COX7B2: variants seen among roughly 807,000 people sequenced by gnomAD.
COX7B2 encodes cytochrome c oxidase subunit 7B2, mitochondrial.
For synonymous variants in COX7B2, 37 were observed against 32.1 expected, an observed-to-expected ratio of 1.15 and a Z score of -0.51; for missense variants, 109 against 95.9, an observed-to-expected ratio of 1.14 and a Z score of -0.57.
chr4:46,835,374 T>A (rs1715442145), intron 2 of COX7B2, among the ~76,000 whole-genome samples: 1 of 152,000 alleles, frequency 6.6e-6, no homozygotes, highest in African/African-American at 2.4e-5. Flanking sequence ...TGAAAATGCG[T>A]TGCTTTTAAA....
intron 2 of COX7B2, among the ~76,000 whole-genome samples, chr4:46,766,900 C>T (rs544858146): frequency 1.1e-4 from 16 of 151,800 alleles, no homozygotes; most frequent in Non-Finnish European, 2.1e-4. Context: ...CCTACTACCA[C>T]GAAAAAATTA....
intron 1 of COX7B2, among the ~76,000 whole-genome samples, chr4:46,859,504 C>G (rs560005493): frequency 6.6e-6 from 1 of 152,134 alleles, no homozygotes; most frequent in Non-Finnish European, 1.5e-5. Flanking sequence ...AACTGAAGGA[C>G]TTTTAATTAT....
chr4:46,838,167 G>A (rs1715663074), intron 2 of COX7B2, among the ~76,000 whole-genome samples: 1 of 151,864 alleles, frequency 6.6e-6, no homozygotes, highest in Non-Finnish European at 1.5e-5. Flanking sequence ...AAAGTTAAAA[G>A]GTATATAGGT....
chr4:46,833,514 A>G (rs569812115), intron 2 of COX7B2, among the ~76,000 whole-genome samples: 2 of 152,342 alleles, frequency 1.3e-5, no homozygotes, highest in East Asian at 3.9e-4. Flanking sequence ...ACTAGCATTC[A>G]TATACTTTTT....
At chr4:46,777,181 A>G (rs1021590376) in intron 2 of COX7B2, among the ~76,000 whole-genome samples, 2 of 152,148 alleles carry the variant, frequency 1.3e-5, no homozygotes, top group African/African-American at 4.8e-5. Context: ...CTAATACTGA[A>G]AACAGAATCT....
intron 2 of COX7B2, among the ~76,000 whole-genome samples, chr4:46,836,859 A>G (rs1184726677): frequency 1.3e-5 from 2 of 152,106 alleles, no homozygotes; most frequent in Non-Finnish European, 2.9e-5. Context: ...TCACTAGGCA[A>G]TAGGTATTTT....
chr4:46,832,998 C>T (rs1160059867), intron 2 of COX7B2, among the ~76,000 whole-genome samples: 4 of 152,108 alleles, frequency 2.6e-5, no homozygotes, highest in Admixed American at 1.3e-4. Flanking sequence ...CTCCGCCTCC[C>T]GGGTTCAAGT....
At chr4:46,804,055 T>A (rs939719941) in intron 2 of COX7B2, among the ~76,000 whole-genome samples, 1 of 152,116 alleles carries the variant, frequency 6.6e-6, no homozygotes, top group African/African-American at 2.4e-5. Context: ...GTTTCTTTTT[T>A]CTGGTGGGTT....
intron 1 of COX7B2, among the ~76,000 whole-genome samples, chr4:46,867,031 C>T (rs556550577): frequency 2.0e-5 from 3 of 152,168 alleles, no homozygotes; most frequent in Non-Finnish European, 4.4e-5. Context: ...CTTGTTACTA[C>T]TAATTTTTGG....
At chr4:46,830,324 C>CAAA (rs201868075) in intron 2 of COX7B2, among the ~76,000 whole-genome samples, 3 of 82,120 alleles carry the variant, frequency 3.7e-5, no homozygotes, top group Non-Finnish European at 7.4e-5. Context: ...ACTCTGTCTC[C>CAAA]AAAAAAAAAA....
At chr4:46,774,461 TG>T (rs1717047288) in intron 2 of COX7B2, among the ~76,000 whole-genome samples, 1 of 152,106 alleles carries the variant, frequency 6.6e-6, no homozygotes, top group African/African-American at 2.4e-5. Context: ...AAATATTTTG[TG>T]GATAGTCCTA....
chr4:46,808,767 G>A (rs1184377862), intron 2 of COX7B2, among the ~76,000 whole-genome samples: 1 of 151,794 alleles, frequency 6.6e-6, no homozygotes, highest in Non-Finnish European at 1.5e-5. Flanking sequence ...GTACACCAGT[G>A]CTTTTTCTGC....
rs1460042203 is a variant in COX7B2, at chr4:46,863,737, A to T, written c.-104-18723T>A. ...TTTTCTCCTCTGGTTTTAACTCTTC[A>T]TATTGACTGATGCTGAAATATTTTA... is the stretch of plus-strand genomic sequence containing the variant. On this transcript the variant is annotated intron_variant, in intron 1 of 2. Coordinates refer to ENST00000355591, the MANE Select transcript of COX7B2 (RefSeq NM_130902.3). 3.9e-5 allele frequency among the ~76,000 whole-genome samples: 6 copies of T among 152,248 alleles called. No individual in the cohort carries two copies. In the South Asian group the frequency reaches 1.0e-3, roughly 26 times the overall value.
chr4:46,807,195 T>TA (rs1719046108), intron 2 of COX7B2, among the ~76,000 whole-genome samples: 1 of 151,972 alleles, frequency 6.6e-6, no homozygotes, highest in Non-Finnish European at 1.5e-5. Flanking sequence ...TTGTTTTTTT[T>TA]ATAATAGCCA....
intron 1 of COX7B2, among the ~76,000 whole-genome samples, chr4:46,866,034 G>A (rs749675360): frequency 8.1e-4 from 123 of 152,268 alleles, no homozygotes; most frequent in Middle Eastern, 3.4e-3. Context: ...ATCCATTGCT[G>A]TGTTAATGAC....
chr4:46,814,583 T>G (rs2109672431), intron 2 of COX7B2, among the ~76,000 whole-genome samples: 1 of 152,346 alleles, frequency 6.6e-6, no homozygotes, highest in South Asian at 2.1e-4. Context: ...TTAGAAAAGT[T>G]TCCTTTAAAA....
chr4:46,790,684 T>C (rs1170582662), intron 2 of COX7B2, among the ~76,000 whole-genome samples: 1 of 152,176 alleles, frequency 6.6e-6, no homozygotes, highest in Non-Finnish European at 1.5e-5. Flanking sequence ...TGGACTTTAG[T>C]ATTCCTGCGG....
intron 2 of COX7B2, among the ~76,000 whole-genome samples, chr4:46,819,539 TAAAAAA>T (rs397959996): frequency 8.9e-6 from 1 of 112,268 alleles, no homozygotes; most frequent in African/African-American, 3.3e-5. Flanking sequence ...GCTGATGAGC[TAAAAAA>T]AAAAAAAAAA....
intron 1 of COX7B2, among the ~76,000 whole-genome samples, chr4:46,859,007 G>C (rs1211500565): frequency 6.6e-6 from 1 of 152,124 alleles, no homozygotes; most frequent in Non-Finnish European, 1.5e-5. Context: ...CCTCAAACTA[G>C]ATCTGTCAAC....
Sources: allele counts gnomAD v4.1 joint callset (sites outside exome capture counted in the v4.1 genomes callset), GRCh38; gene constraint gnomAD v4.1.1; transcripts MANE v1.5; gene names NCBI Gene and HGNC (gene_info 2026-07-23, HGNC 2026-07-21).